Variants in PREX1 observed in about 807,000 individuals in gnomAD.
PREX1 encodes phosphatidylinositol 3,4,5-trisphosphate-dependent Rac exchanger 1 protein.
Under a neutral mutation model 198.3 loss-of-function variants are expected in PREX1, and 41 were observed. The observed-to-expected ratio is 0.21, with a 90% confidence interval of 0.16 to 0.27. The LOEUF is 0.27. Ranked by LOEUF, PREX1 falls within the 10% of genes least tolerant of loss-of-function variation. The pLI is 1.00. For synonymous variants in PREX1, 843 were observed against 887.2 expected, an observed-to-expected ratio of 0.95 and a Z score of 0.89; for missense variants, 1,620 against 2,200.7, an observed-to-expected ratio of 0.74 and a Z score of 5.28.
chr20:48,869,378 A>T, the PREX1 span, among the ~76,000 whole-genome samples: 5 of 151,274 alleles, frequency 3.3e-5, no homozygotes, highest in African/African-American at 1.2e-4. Flanking sequence ...GGCTCATTGC[A>T]GTCTCAAACT....
chr20:48,817,978 C>A (rs913787655), intron 1 of PREX1, among the ~76,000 whole-genome samples: 1 of 151,866 alleles, frequency 6.6e-6, no homozygotes, highest in Non-Finnish European at 1.5e-5. Flanking sequence ...GGGAAAAAAA[C>A]AACGCAAGCA....
Position 48,651,009 on chromosome 20 carries a change from C to A in PREX1, c.2702G>T (p.Cys901Phe), listed in dbSNP as rs1406918193. ...GCTGCTCAGGGCCATGAGCCGCCTG[C>A]AGTTCTCCACGAAGACGCTGTCATT... ...AANDSVFVEN[C>F]RRLMALSSAI... Residue 901 changes from cysteine (C) to phenylalanine (F), a missense_variant, in exon 23 of 40, where the codon TGC (cysteine) becomes TTC (phenylalanine). Cys to Phe is a radical substitution (Grantham distance 205, BLOSUM62 -2). Coordinates refer to ENST00000371941, the MANE Select transcript of PREX1 (RefSeq NM_020820.4). The A allele has an allele frequency of 2.5e-6, 4 of 1,614,206 alleles. No individual in the cohort carries two copies. The highest frequency in any genetic ancestry group is 3.4e-6 in the Non-Finnish European group (4 of 1,180,040).
At chr20:48,708,879 C>T (rs951710897) in intron 5 of PREX1, among the ~76,000 whole-genome samples, 12 of 152,222 alleles carry the variant, frequency 7.9e-5, no homozygotes, top group South Asian at 2.1e-4. Flanking sequence ...CAGAGAGATC[C>T]GCGGTCACAG....
chr20:48,779,901 G>A (rs903964651), intron 1 of PREX1, among the ~76,000 whole-genome samples: 1 of 152,180 alleles, frequency 6.6e-6, no homozygotes, highest in African/African-American at 2.4e-5. Context: ...TTTTTTGGGT[G>A]ATGGAAGTCT....
intron 4 of PREX1, among the ~76,000 whole-genome samples, chr20:48,730,485 G>C (rs1483508733): frequency 1.3e-5 from 2 of 151,648 alleles, no homozygotes; most frequent in Non-Finnish European, 2.9e-5. Context: ...GACGATGCTA[G>C]AATAGGAAAA....
intron 2 of PREX1, among the ~76,000 whole-genome samples, chr20:48,746,778 A>G (rs2090109573): frequency 6.6e-6 from 1 of 152,206 alleles, no homozygotes; most frequent in South Asian, 2.1e-4. Context: ...GTAATTTTTT[A>G]TAAACTGTAA....
At position 48,625,790 on chromosome 20, in the gene PREX1, C is replaced by A; in HGVS notation, c.*95G>T. 2.2e-6 allele frequency: 3 copies of A among 1,376,626 alleles called. No individual in the cohort carries two copies. The highest frequency in any genetic ancestry group is 2.9e-6 in the Non-Finnish European group (3 of 1,031,524). The allele number at this position is 1,376,626 out of a possible 1,614,324, so 85.3% of individuals were successfully genotyped here. A position where few individuals can be genotyped will look rare whatever the true frequency, so the allele number is the denominator to read the frequency against. ...GTCCCGGAACGGGCGGCTGCGGAAGCCTTGGGCCATCCCTGGAGAAGGCCA... is the reference window on the plus strand; with the variant it reads ...GTCCCGGAACGGGCGGCTGCGGAAGACTTGGGCCATCCCTGGAGAAGGCCA... On this transcript the variant is annotated 3_prime_UTR_variant, in exon 40 of 40. Transcript: ENST00000371941.
rs768411421 is a variant in PREX1 at position 48,691,138 on chromosome 20, G to T, written c.1037-42C>A. 6 of 1,613,372 alleles carry T rather than the reference G, an allele frequency of 3.7e-6. No individual in the cohort carries two copies. Among genetic ancestry groups the T allele is most frequent in the Non-Finnish European group, 4.2e-6 (5 of 1,179,500 alleles). ...GCAAAGGTGCAGCAGAGACTCAGCC[G>T]CGTGACCTTCAACACTCCCCATTGC... On this transcript the variant is annotated intron_variant, in intron 8 of 39. Transcript: ENST00000371941. This position sits in a 1 kb window ranked among gnomAD's most constrained non-coding sequence, Gnocchi z 5.0.
chr20:48,888,100 A>AG, the PREX1 span, among the ~76,000 whole-genome samples: 1 of 152,246 alleles, frequency 6.6e-6, no homozygotes, highest in Non-Finnish European at 1.5e-5. Context: ...TTGGACTTAC[A>AG]GTTCCACATG....
the PREX1 span, among the ~76,000 whole-genome samples, chr20:48,854,264 A>G: frequency 2.0e-5 from 3 of 152,204 alleles, no homozygotes; most frequent in Admixed American, 2.0e-4. Flanking sequence ...AGGAGATCTA[A>G]GCCTGACTCT....
chr20:48,777,554 AG>A (rs1367095626), intron 1 of PREX1, among the ~76,000 whole-genome samples: 4 of 152,150 alleles, frequency 2.6e-5, no homozygotes, highest in Non-Finnish European at 5.9e-5. Flanking sequence ...TCAGGCAGGG[AG>A]GTAAGAACCT....
the PREX1 span, among the ~76,000 whole-genome samples, chr20:48,836,831 C>T: frequency 1.4e-5 from 2 of 144,562 alleles, no homozygotes; most frequent in African/African-American, 5.2e-5. Flanking sequence ...AGGAAAATCG[C>T]TTGAACCCAG....
At chr20:48,887,928 C>A in the PREX1 span, among the ~76,000 whole-genome samples, 2 of 151,746 alleles carry the variant, frequency 1.3e-5, no homozygotes, top group Admixed American at 1.3e-4. Flanking sequence ...CCAGCCTGGG[C>A]GACAGAGTGA....
intron 1 of PREX1, among the ~76,000 whole-genome samples, chr20:48,813,497 T>C (rs1377521445): frequency 1.3e-5 from 2 of 152,202 alleles, no homozygotes; most frequent in Non-Finnish European, 2.9e-5. Flanking sequence ...TATCATTTAG[T>C]ATAAATGTTG....
At chr20:48,687,842 C>A (rs539295252) in intron 10 of PREX1, among the ~76,000 whole-genome samples, 1 of 152,282 alleles carries the variant, frequency 6.6e-6, no homozygotes, top group South Asian at 2.1e-4. Flanking sequence ...TGTGTTCTGA[C>A]CCCTTTGAAC....
At chr20:48,694,072 C>T (rs370171950) in intron 7 of PREX1, among the ~76,000 whole-genome samples, 2 of 151,888 alleles carry the variant, frequency 1.3e-5, no homozygotes, top group East Asian at 1.9e-4. Context: ...CCACCATGGC[C>T]GGGTAATTTT....
intron 29 of PREX1, 98 bp from the exon 30 acceptor site, chr20:48,639,992 T>A: frequency 6.9e-7 from 1 of 1,455,022 alleles, no homozygotes; most frequent in Non-Finnish European, 9.4e-7. Context: ...ATCCCAGAGC[T>A]CATAATCCTA....
At chr20:48,854,474 T>G in the PREX1 span, among the ~76,000 whole-genome samples, 2 of 152,036 alleles carry the variant, frequency 1.3e-5, no homozygotes, top group Admixed American at 1.3e-4. Context: ...GGTGGGAGGA[T>G]CACTTGAGCC....
At chr20:48,884,913 AC>A in the PREX1 span, among the ~76,000 whole-genome samples, 1 of 152,198 alleles carries the variant, frequency 6.6e-6, no homozygotes, top group African/African-American at 2.4e-5. Context: ...GGGGTTCAAG[AC>A]CACTACACCT....
Sources: gnomAD v4.1 joint callset for allele counts (sites outside exome capture counted in the v4.1 genomes callset) on GRCh38, gnomAD v4.1.1 for gene constraint, Gnocchi (gnomAD v3.1) non-coding constraint, MANE v1.5 for transcripts, NCBI Gene and HGNC (gene_info 2026-07-23, HGNC 2026-07-21) for gene names.